The following DPT variants were observed in gnomAD, a reference collection of about 807,000 sequenced individuals.
DPT encodes dermatopontin, also known as tyrosine-rich acidic matrix protein.
Under a neutral mutation model 31.2 loss-of-function variants are expected in DPT, and 21 were observed. The observed-to-expected ratio is 0.67, with a 90% CI of 0.48 to 0.97. DPT has a LOEUF of 0.97. Ranked by LOEUF, DPT falls within the 50% of genes least tolerant of loss-of-function variation. The pLI is 0.00. For synonymous variants in DPT, 91 were observed against 86.9 expected, an observed-to-expected ratio of 1.05 and a Z score of -0.26; for missense variants, 262 against 258.8, an observed-to-expected ratio of 1.01 and a Z score of -0.08.
At chr1:168,718,145 G>A (rs535455251) in intron 1 of DPT, among the ~76,000 whole-genome samples, 3 of 152,332 alleles carry the variant, frequency 2.0e-5, no homozygotes, top group Admixed American at 6.5e-5. Flanking sequence ...TGGTTTCCAC[G>A]GAGTTGTTGT....
In DPT at chr1:168,714,143, T is replaced by C. The variant is rs548227316; in HGVS notation, c.431+78A>G. 1.4e-5 allele frequency: 22 copies of C among 1,597,050 alleles called. No individual in the cohort carries two copies. The East Asian group carries it at 4.9e-4, about 36-fold the overall frequency. On this transcript the variant is annotated intron_variant, in intron 2 of 3. Coordinates refer to ENST00000367817, the MANE Select transcript of DPT (RefSeq NM_001937.5). The stretch of plus-strand genomic sequence containing the variant: ...CCAGGCTTGTGTGTGACCCTCAAGC[T>C]TACCTGAAGCTAGAGCACTTCCTAG...
At chr1:168,725,759 C>A (rs1650228195) in intron 1 of DPT, among the ~76,000 whole-genome samples, 1 of 152,206 alleles carries the variant, frequency 6.6e-6, no homozygotes, top group Non-Finnish European at 1.5e-5. Flanking sequence ...AAAGATGGCA[C>A]TTTGATTAGA....
intron 2 of DPT, among the ~76,000 whole-genome samples, chr1:168,704,526 G>A (rs1350394251): frequency 1.3e-5 from 2 of 152,212 alleles, no homozygotes; most frequent in African/African-American, 4.8e-5. Flanking sequence ...CAGCCCGGGC[G>A]ACAGAGCGAG....
At chr1:168,711,446 G>A (rs1308479506) in intron 2 of DPT, among the ~76,000 whole-genome samples, 4 of 152,150 alleles carry the variant, frequency 2.6e-5, no homozygotes, top group Non-Finnish European at 4.4e-5. Context: ...ATGATGGCAT[G>A]GCCACAGACA....
chr1:168,718,966 G>T (rs958659902), intron 1 of DPT, among the ~76,000 whole-genome samples: 2 of 152,184 alleles, frequency 1.3e-5, no homozygotes, highest in African/African-American at 2.4e-5. Flanking sequence ...GCTCAATGAG[G>T]TTGGATGTCT....
intron 1 of DPT, among the ~76,000 whole-genome samples, chr1:168,725,599 G>A (rs1034334183): frequency 6.6e-6 from 1 of 152,094 alleles, no homozygotes; most frequent in African/African-American, 2.4e-5. Flanking sequence ...ACCACTCATG[G>A]GGACCCAGGT....
At chr1:168,704,928 C>T (rs1649685075) in intron 2 of DPT, among the ~76,000 whole-genome samples, 1 of 152,118 alleles carries the variant, frequency 6.6e-6, no homozygotes, top group African/African-American at 2.4e-5. Flanking sequence ...TGCTATGATA[C>T]AATATCATAG....
intron 2 of DPT, among the ~76,000 whole-genome samples, chr1:168,702,690 C>A (rs1224830965): frequency 1.3e-5 from 2 of 149,594 alleles, no homozygotes; most frequent in African/African-American, 5.0e-5. Context: ...CGGCTCACTG[C>A]AACTTCCGCC....
Position 168,729,091 on chromosome 1 carries a change from C to T in DPT, c.84G>A (p.Gln28=). The change falls in exon 1 of 4, where the codon CAG becomes CAA. Residue 28 remains glutamine (Q), a synonymous_variant. Transcript: ENST00000367817. ...CATCATCGCTGTAGTCATGATACTG[C>T]TGGTATGGGTATCCATAATCGCCAT... ...GQYGDYGYPY[Q]QYHDYSDDGW... is the part of the protein sequence containing the mutation. The T allele has an allele frequency of 6.2e-7, 1 of 1,614,234 alleles. No homozygotes were observed. The highest frequency in any genetic ancestry group is 8.5e-7 in the Non-Finnish European group (1 of 1,180,052).
rs1261145153 is a variant in DPT, at chr1:168,709,352, C to A, written c.431+4869G>T. On this transcript the variant is annotated intron_variant, in intron 2 of 3. Coordinates refer to ENST00000367817, the MANE Select transcript of DPT (RefSeq NM_001937.5). The stretch of plus-strand genomic sequence containing the variant: ...TGTTTGTGGTTTGCAGACCACTAGA[C>A]TAAGAATTAGAATTTTCATATCTAA... 2.0e-5 allele frequency among the ~76,000 whole-genome samples: 3 copies of A among 152,208 alleles called. No individual in the cohort carries two copies. The East Asian group carries it at 5.8e-4, about 29-fold the overall frequency.
intron 2 of DPT, among the ~76,000 whole-genome samples, chr1:168,713,077 TG>T (rs1319999910): frequency 3.0e-4 from 45 of 152,152 alleles, no homozygotes; most frequent in Non-Finnish European, 2.9e-5. Context: ...AGTTTCTTTT[TG>T]CCCAAACTGG....
intron 3 of DPT, among the ~76,000 whole-genome samples, chr1:168,699,517 G>A (rs1279398230): frequency 1.3e-5 from 2 of 151,314 alleles, no homozygotes; most frequent in African/African-American, 2.4e-5. Context: ...GTTTGCCTAT[G>A]GGTAAACATA....
chr1:168,700,177 A>G (rs1332705240), intron 3 of DPT, among the ~76,000 whole-genome samples: 1 of 152,140 alleles, frequency 6.6e-6, no homozygotes, highest in East Asian at 1.9e-4. Context: ...GGGGTGATTA[A>G]GCCATGAGGG....
At chr1:168,715,259 C>A (rs1353624724) in intron 1 of DPT, among the ~76,000 whole-genome samples, 5 of 152,358 alleles carry the variant, frequency 3.3e-5, no homozygotes, top group Non-Finnish European at 7.3e-5. Context: ...TAGAATAGTA[C>A]AATCATTTCT....
At chr1:168,723,165 A>G (rs1650162348) in intron 1 of DPT, among the ~76,000 whole-genome samples, 1 of 152,186 alleles carries the variant, frequency 6.6e-6, no homozygotes, top group African/African-American at 2.4e-5. Context: ...GGTGGATTTG[A>G]TATCTTTTTT....
intron 2 of DPT, among the ~76,000 whole-genome samples, chr1:168,704,377 C>T (rs1649668467): frequency 6.6e-6 from 1 of 152,156 alleles, no homozygotes; most frequent in South Asian, 2.1e-4. Context: ...TTCTCCTTTC[C>T]CCTAAAGTAA....
Position 168,729,018 on chromosome 1 carries a change from C to T in DPT, c.157G>A (p.Gly53Arg). ...RQGFSYQCPQGQVIVAVRSIF... is the reference protein window; with the variant it reads ...RQGFSYQCPQRQVIVAVRSIF... Reference sequence around the variant, plus strand: ...CTCCTCACGGCCACTATCACCTGCCCCTGGGGACACTGGTAGCTGAAGCCT... The same window carrying T: ...CTCCTCACGGCCACTATCACCTGCCTCTGGGGACACTGGTAGCTGAAGCCT... The change falls in exon 1 of 4, where the codon GGG (glycine) becomes AGG (arginine). Residue 53 changes from glycine (G) to arginine (R), a missense_variant. By Grantham distance (125) the Gly-to-Arg change is moderately radical. Coordinates refer to ENST00000367817, the MANE Select transcript of DPT (RefSeq NM_001937.5). 3 of 1,614,216 alleles carry T rather than the reference C, an allele frequency of 1.9e-6. No individual in the cohort carries two copies. The highest frequency in any genetic ancestry group is 2.5e-6 in the Non-Finnish European group (3 of 1,180,040).
At chr1:168,727,992 G>A (rs1164538126) in intron 1 of DPT, among the ~76,000 whole-genome samples, 3 of 152,128 alleles carry the variant, frequency 2.0e-5, no homozygotes, top group Admixed American at 2.0e-4. Context: ...GCCTCCTAGA[G>A]TGCTGGCTCC....
At chr1:168,722,896 C>G (rs1180665708) in intron 1 of DPT, among the ~76,000 whole-genome samples, 1 of 151,798 alleles carries the variant, frequency 6.6e-6, no homozygotes, top group African/African-American at 2.4e-5. Context: ...TATCTTAACT[C>G]TGCAGAAATC....
Sources: gnomAD v4.1 joint callset for allele counts (sites outside exome capture counted in the v4.1 genomes callset) on GRCh38, gnomAD v4.1.1 for gene constraint, MANE v1.5 for transcripts, NCBI Gene and HGNC (gene_info 2026-07-23, HGNC 2026-07-21) for gene names.